KCNH1: variants seen among roughly 807,000 people sequenced by gnomAD.
KCNH1 encodes the protein voltage-gated delayed rectifier potassium channel KCNH1.
KCNH1 carries 27 observed loss-of-function variants against 69.2 expected under a neutral mutation model. The observed-to-expected ratio is 0.39, with a 90% CI of 0.29 to 0.54. The LOEUF (loss-of-function observed/expected upper bound fraction) is 0.54. KCNH1 is among the 20% of genes least tolerant of loss of function. KCNH1 has a pLI of 0.68. For missense variants in KCNH1, 798 were observed against 1,261.6 expected (o/e 0.63, Z 5.57); for synonymous variants, 456 against 487.7 (o/e 0.93, Z 0.86).
chr1:210,852,079 AC>A (rs1315686727), intron 7 of KCNH1, among the ~76,000 whole-genome samples: 1 of 152,268 alleles, frequency 6.6e-6, no homozygotes, highest in African/African-American at 2.4e-5. Flanking sequence ...GAATAAAAAA[AC>A]AATGTGCTTA....
Position 210,960,873 on chromosome 1 carries a change from T to C in KCNH1, c.1033-40804A>G, listed in dbSNP as rs967622693. ...TTCTATTTTATGTTCCTACCAGAAA[T>C]GTAGGAGAGTTCTGGTTCCTCCATA... On this transcript the variant is annotated intron_variant, in intron 6 of 10. Transcript: ENST00000271751. Among the ~76,000 whole-genome samples the C allele has an allele frequency of 5.9e-5, 9 of 152,322 alleles. No individual in the cohort carries two copies. The East Asian group carries it at 1.4e-3, about 23-fold the overall frequency.
intron 7 of KCNH1, chr1:210,860,169 G>A (rs1233804524): frequency 8.6e-7 from 1 of 1,167,538 alleles, no homozygotes; most frequent in Non-Finnish European, 1.3e-6. Flanking sequence ...GAAGTGTCTT[G>A]GTATCAACTG....
intron 6 of KCNH1, among the ~76,000 whole-genome samples, chr1:210,996,646 C>T (rs1340960997): frequency 6.6e-6 from 1 of 152,216 alleles, no homozygotes; most frequent in African/African-American, 2.4e-5. Context: ...GTGGTTCTCC[C>T]AGCACGCAGC....
chr1:210,878,594 TA>T (rs945798958), intron 7 of KCNH1, among the ~76,000 whole-genome samples: 31 of 151,590 alleles, frequency 2.0e-4, no homozygotes, highest in Non-Finnish European at 8.8e-5. Flanking sequence ...AAACTAAATT[TA>T]AAAAAAACAC....
intron 6 of KCNH1, among the ~76,000 whole-genome samples, chr1:210,935,858 C>CTGATGCAAT (rs1253554843): frequency 6.6e-6 from 1 of 152,186 alleles, no homozygotes; most frequent in Non-Finnish European, 1.5e-5. Flanking sequence ...TGTAGTTATA[C>CTGATGCAAT]TGATGCAATT....
intron 6 of KCNH1, among the ~76,000 whole-genome samples, chr1:210,922,959 C>A (rs1302373621): frequency 6.6e-6 from 1 of 152,202 alleles, no homozygotes; most frequent in Non-Finnish European, 1.5e-5. Context: ...ACTTATTGCC[C>A]AGGGCAAAAC....
chr1:211,115,701 C>CTATATATATATA (rs201384583), intron 1 of KCNH1, among the ~76,000 whole-genome samples: 1,934 of 69,658 alleles, frequency 0.028, 142 homozygotes, highest in Non-Finnish European at 0.038. Context: ...ATAAACTCCC[C>CTATATATATATA]TATATATATA....
At chr1:211,046,850 T>C (rs1380233026) in intron 5 of KCNH1, among the ~76,000 whole-genome samples, 1 of 152,120 alleles carries the variant, frequency 6.6e-6, no homozygotes, top group East Asian at 1.9e-4. Context: ...AATTAAGTGG[T>C]GAAGATGAAA....
intron 7 of KCNH1, among the ~76,000 whole-genome samples, chr1:210,805,795 C>G (rs1684538617): frequency 6.6e-6 from 1 of 152,216 alleles, no homozygotes; most frequent in African/African-American, 2.4e-5. Flanking sequence ...AACCTACTTT[C>G]TATCTCTATT....
chr1:210,916,210 A>G (rs1216473542), intron 7 of KCNH1, among the ~76,000 whole-genome samples: 6 of 152,220 alleles, frequency 3.9e-5, no homozygotes, highest in Non-Finnish European at 7.3e-5. Flanking sequence ...TAAATCTAGT[A>G]AGACATCAGC....
At chr1:210,863,118 A>G (rs914575346) in intron 7 of KCNH1, among the ~76,000 whole-genome samples, 2 of 152,232 alleles carry the variant, frequency 1.3e-5, no homozygotes, top group Non-Finnish European at 2.9e-5. Flanking sequence ...CCTTGAATCC[A>G]TGAAGAGCTT....
intron 6 of KCNH1, among the ~76,000 whole-genome samples, chr1:210,951,331 A>G (rs1002036232): frequency 2.6e-5 from 4 of 152,238 alleles, no homozygotes; most frequent in African/African-American, 9.6e-5. Flanking sequence ...TAGGGTTTGT[A>G]AAGCATAAGA....
intron 6 of KCNH1, among the ~76,000 whole-genome samples, chr1:210,931,972 G>A (rs546883737): frequency 2.0e-5 from 3 of 152,088 alleles, no homozygotes; most frequent in African/African-American, 4.8e-5. Context: ...GAAAGTCTAT[G>A]GGACACCATT....
intron 10 of KCNH1, among the ~76,000 whole-genome samples, chr1:210,727,125 C>T (rs1019090518): frequency 1.3e-5 from 2 of 152,148 alleles, no homozygotes; most frequent in Non-Finnish European, 2.9e-5. Context: ...TACTCTATCA[C>T]GAGTTCCTCA....
At chr1:211,017,872 T>G (rs1313510069) in intron 6 of KCNH1, among the ~76,000 whole-genome samples, 1 of 152,172 alleles carries the variant, frequency 6.6e-6, no homozygotes, top group African/African-American at 2.4e-5. Flanking sequence ...ATGTTGAAAT[T>G]TGAGTCCCAG....
At chr1:211,108,335 C>T (rs952846293) in intron 1 of KCNH1, 3 of 144,716 alleles carry the variant, frequency 2.1e-5, no homozygotes, top group African/African-American at 7.5e-5. Flanking sequence ...CCTCCAAAAA[C>T]AGAAACAATA....
chr1:210,761,994 G>A (rs922383075), intron 10 of KCNH1, among the ~76,000 whole-genome samples: 1 of 152,032 alleles, frequency 6.6e-6, no homozygotes, highest in Admixed American at 6.6e-5. Context: ...CACGTGCTTG[G>A]TCATACAGCA....
chr1:211,114,652 T>C (rs1423162964), intron 1 of KCNH1, among the ~76,000 whole-genome samples: 1 of 152,178 alleles, frequency 6.6e-6, no homozygotes, highest in Non-Finnish European at 1.5e-5. Context: ...ATATTCCCCA[T>C]GGTTGAGAAT....
At chr1:210,889,675 T>A (rs971662662) in intron 7 of KCNH1, among the ~76,000 whole-genome samples, 3 of 152,068 alleles carry the variant, frequency 2.0e-5, no homozygotes, top group African/African-American at 7.2e-5. Context: ...CAGCCCAAAA[T>A]CTCCTTAAGC....
Sources: allele counts gnomAD v4.1 joint callset (sites outside exome capture counted in the v4.1 genomes callset), GRCh38; gene constraint gnomAD v4.1.1; transcripts MANE v1.5; gene names NCBI Gene and HGNC (gene_info 2026-07-23, HGNC 2026-07-21).